ACOXL: variants seen among roughly 807,000 people sequenced by gnomAD.
The protein encoded by ACOXL is acyl-CoA oxidase like.
A neutral mutation model predicts 71.9 loss-of-function variants in ACOXL; 70 were observed. The ratio of observed to expected loss-of-function variants is 0.97; its 90% confidence interval spans 0.80 to 1.19. The LOEUF (loss-of-function observed/expected upper bound fraction) is 1.19, where lower values mean the gene tolerates loss of function less well. Among genes scored for constraint, ACOXL ranks in the 50% most tolerant of loss-of-function variants. ACOXL has a pLI of 0.00. For missense variants in ACOXL, 703 were observed against 736.3 expected (o/e 0.95, Z 0.52); for synonymous variants, 253 against 281.6 (o/e 0.90, Z 1.02).
At chr2:110,901,407 A>G (rs2059226468) in intron 10 of ACOXL, among the ~76,000 whole-genome samples, 1 of 152,146 alleles carries the variant, frequency 6.6e-6, no homozygotes, top group African/African-American at 2.4e-5. Context: ...CGTGTTTAAA[A>G]ATTGCCATTG....
intron 15 of ACOXL, among the ~76,000 whole-genome samples, chr2:111,045,074 A>G (rs1455957396): frequency 6.6e-6 from 1 of 152,204 alleles, no homozygotes; most frequent in Non-Finnish European, 1.5e-5. Context: ...TGACATGAAC[A>G]GTACTGGGAC....
chr2:111,039,799 T>C (rs967296115), intron 15 of ACOXL, among the ~76,000 whole-genome samples: 1 of 152,212 alleles, frequency 6.6e-6, no homozygotes, highest in Non-Finnish European at 1.5e-5. Context: ...CAAAGGACTT[T>C]GCAGTAGAGC....
At chr2:110,896,511 G>A (rs1353136786) in intron 10 of ACOXL, among the ~76,000 whole-genome samples, 1 of 152,026 alleles carries the variant, frequency 6.6e-6, no homozygotes, top group Non-Finnish European at 1.5e-5. Context: ...AATATAGGCA[G>A]GTTAAATGTC....
chr2:110,996,675 A>G (rs537880577), intron 14 of ACOXL, among the ~76,000 whole-genome samples: 19 of 152,326 alleles, frequency 1.2e-4, no homozygotes, highest in African/African-American at 4.1e-4. Context: ...CTCCTTCTGC[A>G]TGGGAATTAG....
At chr2:111,091,312 A>T (rs1311274292) in intron 16 of ACOXL, among the ~76,000 whole-genome samples, 1 of 152,190 alleles carries the variant, frequency 6.6e-6, no homozygotes, top group African/African-American at 2.4e-5. Flanking sequence ...ATGTGAATGT[A>T]TCATCTGTTT....
intron 10 of ACOXL, among the ~76,000 whole-genome samples, chr2:110,883,882 C>T (rs1696983622): frequency 6.6e-6 from 1 of 152,064 alleles, no homozygotes; most frequent in Non-Finnish European, 1.5e-5. Context: ...TAAAGAATTG[C>T]ATTATTTATC....
At chr2:111,022,370 AAAAG>A (rs1355293150) in intron 14 of ACOXL, among the ~76,000 whole-genome samples, 1 of 152,064 alleles carries the variant, frequency 6.6e-6, no homozygotes, top group Non-Finnish European at 1.5e-5. Context: ...CATATCAAAA[AAAAG>A]AAAAAGAAAA....
intron 14 of ACOXL, among the ~76,000 whole-genome samples, chr2:111,019,725 A>G (rs528727564): frequency 6.6e-6 from 1 of 152,360 alleles, no homozygotes; most frequent in African/African-American, 2.4e-5. Flanking sequence ...AGAGCTTGGA[A>G]GACAGCGTGC....
At chr2:110,962,262 T>C (rs1375859153) in intron 12 of ACOXL, among the ~76,000 whole-genome samples, 1 of 152,262 alleles carries the variant, frequency 6.6e-6, no homozygotes, top group Non-Finnish European at 1.5e-5. Flanking sequence ...TGTAGCCTTA[T>C]GCGGAAATCA....
At chr2:110,763,474 A>G (rs1680660889) in intron 1 of ACOXL, among the ~76,000 whole-genome samples, 2 of 152,216 alleles carry the variant, frequency 1.3e-5, no homozygotes, top group East Asian at 1.9e-4. Context: ...TGACAACTGG[A>G]CGTCAACATA....
Position 110,778,817 on chromosome 2 carries a change from T to A in ACOXL, c.76-5915T>A, listed in dbSNP as rs531174109. 6.2e-4 allele frequency among the ~76,000 whole-genome samples: 94 copies of A among 152,304 alleles called. 1 individual carries two copies. The South Asian group carries it at 0.019, about 31-fold the overall frequency. ...TATATTTATCTCTCACAATGTAGAA[T>A]AATGGGAACAATATTTGCTCATGGG... On this transcript the variant is annotated intron_variant, in intron 2 of 17. Coordinates refer to ENST00000439055, the MANE Select transcript of ACOXL (RefSeq NM_001142807.4).
intron 2 of ACOXL, among the ~76,000 whole-genome samples, chr2:110,777,602 T>C (rs1459267472): frequency 6.6e-6 from 1 of 152,158 alleles, no homozygotes. Context: ...TTGAATCTTG[T>C]AACTCAAGAT....
At chr2:110,801,225 A>C (rs1324320580) in intron 7 of ACOXL, among the ~76,000 whole-genome samples, 1 of 152,014 alleles carries the variant, frequency 6.6e-6, no homozygotes, top group African/African-American at 2.4e-5. Context: ...CAGACGAGAG[A>C]GCACTGGGAA....
At chr2:110,866,069 T>C (rs575538671) in intron 10 of ACOXL, among the ~76,000 whole-genome samples, 1 of 152,158 alleles carries the variant, frequency 6.6e-6, no homozygotes, top group Non-Finnish European at 1.5e-5. Context: ...GGAAGAATGA[T>C]TCGGAAGGCG....
intron 17 of ACOXL, among the ~76,000 whole-genome samples, chr2:111,106,400 C>T (rs1261149239): frequency 6.6e-6 from 1 of 151,644 alleles, no homozygotes; most frequent in East Asian, 1.9e-4. Flanking sequence ...CTAAGATTTT[C>T]TGTTTCTTTG....
intron 9 of ACOXL, among the ~76,000 whole-genome samples, chr2:110,820,501 A>C (rs1688464981): frequency 6.6e-6 from 1 of 151,436 alleles, no homozygotes; most frequent in African/African-American, 2.4e-5. Context: ...GCCCCAGCAG[A>C]TGACTTCTGT....
chr2:110,924,875 C>T (rs2060215532), intron 11 of ACOXL, among the ~76,000 whole-genome samples: 1 of 151,992 alleles, frequency 6.6e-6, no homozygotes, highest in Non-Finnish European at 1.5e-5. Context: ...TCTATGACAG[C>T]CATAGCCTTA....
intron 12 of ACOXL, among the ~76,000 whole-genome samples, chr2:110,938,338 C>T (rs374863957): frequency 4.4e-4 from 67 of 152,276 alleles, no homozygotes; most frequent in African/African-American, 1.5e-3. Context: ...AGAGAAGGCC[C>T]GGAGCCTGTC....
intron 11 of ACOXL, among the ~76,000 whole-genome samples, chr2:110,911,341 A>G (rs971682354): frequency 6.6e-6 from 1 of 152,134 alleles, no homozygotes; most frequent in Non-Finnish European, 1.5e-5. Flanking sequence ...TCCAAAACAT[A>G]GAAGAGGAAG....
Sources: gnomAD v4.1 joint callset for allele counts (sites outside exome capture counted in the v4.1 genomes callset) on GRCh38, gnomAD v4.1.1 for gene constraint, MANE v1.5 for transcripts, NCBI Gene and HGNC (gene_info 2026-07-23, HGNC 2026-07-21) for gene names.